CRHR1: variants seen among roughly 807,000 people sequenced by gnomAD.
The protein encoded by CRHR1 is corticotropin-releasing hormone receptor 1.
In CRHR1, 28 loss-of-function variants were observed where a neutral mutation model predicts 56.0. That is an observed-to-expected ratio of 0.50 (90% confidence interval 0.37 to 0.69). The LOEUF is 0.69. Ranked by LOEUF, CRHR1 falls within the 30% of genes least tolerant of loss-of-function variation. The pLI, the probability that CRHR1 is intolerant of heterozygous loss-of-function variation, is 0.00. For missense variants in CRHR1, 376 were observed against 548.0 expected, an observed-to-expected ratio of 0.69 and a Z score of 3.13; for synonymous variants, 195 against 216.5, an observed-to-expected ratio of 0.90 and a Z score of 0.87.
At chr17:45,808,956 T>C (rs1420765844) in intron 2 of CRHR1, among the ~76,000 whole-genome samples, 1 of 152,146 alleles carries the variant, frequency 6.6e-6, no homozygotes, top group Non-Finnish European at 1.5e-5. Context: ...AGGCTTACTG[T>C]ATAGCTGGAA....
At chr17:45,791,187 CAG>C (rs968982284) in intron 1 of CRHR1, among the ~76,000 whole-genome samples, 7 of 147,444 alleles carry the variant, frequency 4.7e-5, no homozygotes, top group African/African-American at 1.8e-4. Flanking sequence ...AGCCTGTGCA[CAG>C]AGACAGGGAA....
chr17:45,804,682 T>G (rs1370932164), intron 1 of CRHR1, among the ~76,000 whole-genome samples: 1 of 151,872 alleles, frequency 6.6e-6, no homozygotes, highest in Non-Finnish European at 1.5e-5. Context: ...GAAGAGAGGA[T>G]GGACACCCCT....
chr17:45,810,718 A>G (rs1186885899), intron 2 of CRHR1, among the ~76,000 whole-genome samples: 1 of 152,198 alleles, frequency 6.6e-6, no homozygotes, highest in Admixed American at 6.5e-5. Context: ...AAAAGTGAAG[A>G]GCCCACAGAC....
At chr17:45,809,362 A>C (rs149548421) in intron 2 of CRHR1, among the ~76,000 whole-genome samples, 9 of 152,262 alleles carry the variant, frequency 5.9e-5, no homozygotes, top group Non-Finnish European at 1.3e-4. Context: ...TGGGCCTGAG[A>C]GGAAAGGCCC....
At chr17:45,788,505 G>A (rs12940065) in intron 1 of CRHR1, among the ~76,000 whole-genome samples, 25,438 of 152,150 alleles carry the variant, frequency 0.17, 2,224 homozygotes, top group Middle Eastern at 0.18. Context: ...TTGGAACATG[G>A]TACTTGGACC....
In CRHR1 at chr17:45,790,846, G is replaced by C. The variant is rs1435880426; in HGVS notation, c.33+6269G>C. Among the ~76,000 whole-genome samples, 5 of 152,366 alleles carry C rather than the reference G, an allele frequency of 3.3e-5. No individual in the cohort carries two copies. The South Asian group carries it at 1.0e-3, about 32-fold the overall frequency. On this transcript the variant is annotated intron_variant, in intron 1 of 12. Transcript: ENST00000314537. ...CTACCCACTGGAGTTTTAAGAGGTA[G>C]TGGGGGCTATCAGGAAGCACAGTGA...
intron 1 of CRHR1, among the ~76,000 whole-genome samples, chr17:45,791,898 G>A (rs1046486050): frequency 6.8e-6 from 1 of 147,622 alleles, no homozygotes; most frequent in Admixed American, 6.7e-5. Context: ...TGGTACCCTG[G>A]CGAGTGAGCT....
At chr17:45,807,292 G>T (rs1184062919) in intron 2 of CRHR1, among the ~76,000 whole-genome samples, 195 bp downstream of exon 2, 2 of 152,228 alleles carry the variant, frequency 1.3e-5, no homozygotes, top group Non-Finnish European at 2.9e-5. Flanking sequence ...TGGGTGTAAG[G>T]TTGGTGGGGA....
At position 45,833,700 on chromosome 17, in the gene CRHR1, CCG is replaced by C; in HGVS notation, c.930-12_930-11del. 1.2e-6 allele frequency: 1 copy of C among 848,206 alleles called. No individual in the cohort carries two copies. Among genetic ancestry groups the C allele is most frequent in the Non-Finnish European group, 2.0e-6 (1 of 506,946 alleles). The allele number at this position is 848,206 out of a possible 1,614,324, so 52.5% of individuals were successfully genotyped here. A position where few individuals can be genotyped will look rare whatever the true frequency, so the allele number is the denominator to read the frequency against. ...GGGCTGTGACTCCGAGCCTCCCCAC[CCG>C]CCCCACCCCAGGAAGGCTGTGAAAG... On this transcript the variant is annotated splice_polypyrimidine_tract_variant and intron_variant, in intron 10 of 12. Coordinates refer to ENST00000314537, the MANE Select transcript of CRHR1 (RefSeq NM_004382.5).
At chr17:45,789,195 T>C (rs2061385594) in intron 1 of CRHR1, among the ~76,000 whole-genome samples, 2 of 152,164 alleles carry the variant, frequency 1.3e-5, no homozygotes, top group Admixed American at 6.5e-5. Flanking sequence ...CTCTCCCAGC[T>C]CTGATTCTAC....
chr17:45,787,857 G>A lies in CRHR1; in HGVS notation c.33+3280G>A, dbSNP rs560230976. On this transcript the variant is annotated intron_variant, in intron 1 of 12. Coordinates refer to ENST00000314537, the MANE Select transcript of CRHR1 (RefSeq NM_004382.5). Reference sequence around the variant, plus strand: ...AGGAACGCGAAACAGTGAGCCCAGGGTGGGCCAGTGGGCTGCTGTGGCGTG... The same window carrying A: ...AGGAACGCGAAACAGTGAGCCCAGGATGGGCCAGTGGGCTGCTGTGGCGTG... Among the ~76,000 whole-genome samples the A allele has an allele frequency of 4.7e-3, 715 of 152,360 alleles. 3 individuals are homozygous for A. Among genetic ancestry groups the A allele is most frequent in the Non-Finnish European group, 7.5e-3 (512 of 68,036 alleles).
rs1205109958 is a variant in CRHR1, at chr17:45,798,528, G to GGAAAAAA, written c.34-8482_34-8481insGAAAAAA. 7.0e-5 allele frequency among the ~76,000 whole-genome samples: 8 copies of GGAAAAAA among 113,620 alleles called. 1 individual carries two copies. The highest frequency in any genetic ancestry group is 2.0e-4 in the African/African-American group (6 of 29,396). 74.5% of individuals were successfully genotyped at this position (113,620 alleles called of 152,430 possible). A position where few individuals can be genotyped will look rare whatever the true frequency, so the allele number is the denominator to read the frequency against. On this transcript the variant is annotated intron_variant, in intron 1 of 12. Coordinates refer to ENST00000314537, the MANE Select transcript of CRHR1 (RefSeq NM_004382.5). ...GCGACAAGGCGAGACTCCGTCTCGG[G>GGAAAAAA]AAAAAAAAAAAAAAAAAGCCAAACA...
chr17:45,805,219 G>A (rs562143302), intron 1 of CRHR1, among the ~76,000 whole-genome samples: 1 of 152,098 alleles, frequency 6.6e-6, no homozygotes, highest in South Asian at 2.1e-4. Flanking sequence ...TTGATATTTT[G>A]CTCATCATGG....
At position 45,833,869 on chromosome 17, in the gene CRHR1, C is replaced by T. The variant is rs779368067; in HGVS notation, c.1065+20C>T. The stretch of plus-strand genomic sequence containing the variant: ...TTCCAGGTACAGCCCTGGAGGGACA[C>T]ATCAGCACCTCCTTGGGTGGGGATT... On this transcript the variant is annotated intron_variant, in intron 11 of 12. Coordinates refer to ENST00000314537, the MANE Select transcript of CRHR1 (RefSeq NM_004382.5). 1.2e-6 allele frequency: 2 copies of T among 1,612,904 alleles called. No individual in the cohort carries two copies. Among genetic ancestry groups the T allele is most frequent in the Admixed American group, 1.7e-5 (1 of 60,020 alleles).
At chr17:45,803,338 T>C (rs2061657629) in intron 1 of CRHR1, among the ~76,000 whole-genome samples, 1 of 152,192 alleles carries the variant, frequency 6.6e-6, no homozygotes, top group Non-Finnish European at 1.5e-5. Flanking sequence ...GGGGCTGATA[T>C]TGTCAAATAG....
intron 1 of CRHR1, among the ~76,000 whole-genome samples, chr17:45,806,161 G>C (rs1001885729): frequency 6.6e-6 from 1 of 152,210 alleles, no homozygotes; most frequent in Non-Finnish European, 1.5e-5. Flanking sequence ...CTGTCGGGAG[G>C]GGGGTAATGC....
At chr17:45,792,732 C>T (rs898755225) in intron 1 of CRHR1, among the ~76,000 whole-genome samples, 2 of 152,176 alleles carry the variant, frequency 1.3e-5, no homozygotes, top group Non-Finnish European at 2.9e-5. Context: ...GAGCCTCTAG[C>T]TCATCGTGGA....
At chr17:45,797,305 T>C (rs1187050306) in intron 1 of CRHR1, among the ~76,000 whole-genome samples, 2 of 141,290 alleles carry the variant, frequency 1.4e-5, no homozygotes, top group Non-Finnish European at 3.1e-5. Context: ...TTTTTTTTTT[T>C]TTTGAGACGG....
intron 8 of CRHR1, among the ~76,000 whole-genome samples, chr17:45,831,407 G>C (rs55763795): frequency 0.14 from 21,823 of 152,252 alleles, 2,141 homozygotes; most frequent in Middle Eastern, 0.22. Context: ...TAATAAAAGA[G>C]TCCATGAATT....
Sources: gnomAD v4.1 joint callset for allele counts (sites outside exome capture counted in the v4.1 genomes callset) on GRCh38, gnomAD v4.1.1 for gene constraint, MANE v1.5 for transcripts, NCBI Gene and HGNC (gene_info 2026-07-23, HGNC 2026-07-21) for gene names.